The following ESR2 variants were observed in gnomAD, a reference collection of about 807,000 sequenced individuals.
ESR2 encodes estrogen receptor 2, also known as estrogen receptor beta.
A neutral mutation model predicts 49.6 loss-of-function variants in ESR2; 36 were observed. The ratio of observed to expected loss-of-function variants is 0.73; its 90% CI spans 0.56 to 0.96. The LOEUF (loss-of-function observed/expected upper bound fraction) is 0.96, where lower values mean the gene tolerates loss of function less well. ESR2 is among the 40% of genes least tolerant of loss of function. ESR2 has a pLI of 0.00. For missense variants in ESR2, 714 were observed against 693.0 expected, an observed-to-expected ratio of 1.03 and a Z score of -0.34; for synonymous variants, 320 against 266.1, an observed-to-expected ratio of 1.20 and a Z score of -1.97.
downstream of ESR2, chr14:64,227,464 T>C: frequency 5.2e-6 from 8 of 1,532,364 alleles, no homozygotes; most frequent in Non-Finnish European, 7.2e-6. Context: ...ATTACAATGA[T>C]CCCAGAGGGA....
chr14:64,229,326 C>T lies in ESR2; in HGVS notation c.*3811G>A, dbSNP rs1463495808. On this transcript the variant is annotated 3_prime_UTR_variant, in exon 9 of 9. Coordinates refer to ENST00000341099, the MANE Select transcript of ESR2 (RefSeq NM_001437.3). ...TCCTGGGGCAGGAGCAATACTGGCC[C>T]GCTAGGCAAGCAGAAGACTTGCGTG... is the stretch of plus-strand genomic sequence containing the variant. 2.0e-5 allele frequency among the ~76,000 whole-genome samples: 3 copies of T among 151,966 alleles called. No individual in the cohort carries two copies. Among genetic ancestry groups the T allele is most frequent in the South Asian group, 2.1e-4 (1 of 4,808 alleles).
At chr14:64,293,918 G>A (rs940677693) in intron 1 of ESR2, 115 bp downstream of exon 1, 2 of 152,212 alleles carry the variant, frequency 1.3e-5, no homozygotes, top group South Asian at 2.1e-4. Context: ...CAGGACAGTT[G>A]GTTTTGGTGA....
chr14:64,277,991 G>C lies in ESR2; in HGVS notation c.535+1990C>G, dbSNP rs78070685. 3.9e-3 allele frequency among the ~76,000 whole-genome samples: 585 copies of C among 151,896 alleles called. 2 individuals carry two copies. Among genetic ancestry groups the C allele is most frequent in the Non-Finnish European group, 5.7e-3 (384 of 67,944 alleles). On this transcript the variant is annotated intron_variant, in intron 3 of 8. Transcript: ENST00000341099. ...CCCCAAAAGCAAAAAAAAAAAAGAA[G>C]GATCTCTTTTTAAAAGATATGGTTA... is the stretch of plus-strand genomic sequence containing the variant.
intron 6 of ESR2, among the ~76,000 whole-genome samples, chr14:64,254,882 C>T (rs2076067297): frequency 6.7e-6 from 1 of 150,338 alleles, no homozygotes. Context: ...CCCAAGAATT[C>T]CTCTTCTATA....
At chr14:64,308,277 G>A (rs1187619554) in intron 1 of ESR2, among the ~76,000 whole-genome samples, 1 of 152,122 alleles carries the variant, frequency 6.6e-6, no homozygotes, top group Non-Finnish European at 1.5e-5. Flanking sequence ...GCCTCCCAAA[G>A]TGCTAGGATT....
At chr14:64,331,451 C>T (rs540724253) in intron 1 of ESR2, among the ~76,000 whole-genome samples, 25 of 152,242 alleles carry the variant, frequency 1.6e-4, no homozygotes, top group African/African-American at 6.0e-4. Flanking sequence ...GCAAGAAGTC[C>T]TGGGCCTAAA....
chr14:64,316,273 A>G (rs1399417193), intron 1 of ESR2, among the ~76,000 whole-genome samples: 1 of 151,432 alleles, frequency 6.6e-6, no homozygotes, highest in Non-Finnish European at 1.5e-5. Context: ...CAGCCTCCCA[A>G]CGTGCTGGGA....
intron 2 of ESR2, among the ~76,000 whole-genome samples, chr14:64,281,121 AAAG>A (rs2076658933): frequency 6.6e-6 from 1 of 152,184 alleles, no homozygotes. Flanking sequence ...GAGAGAGAAA[AAAG>A]AAGAGAGAAG....
At chr14:64,270,822 T>TAAA (rs1372610175) in intron 3 of ESR2, among the ~76,000 whole-genome samples, 4 of 152,208 alleles carry the variant, frequency 2.6e-5, no homozygotes, top group African/African-American at 9.7e-5. Context: ...AAGAGGTAAT[T>TAAA]AAAAAGCTAA....
At position 64,231,418 on chromosome 14, in the gene ESR2, G is replaced by A. The variant is rs1010335032; in HGVS notation, c.*1719C>T. The A allele has an allele frequency of 4.1e-4, 63 of 152,128 alleles. No homozygotes were observed. The highest frequency in any genetic ancestry group is 1.4e-3 in the African/African-American group (57 of 41,412). The allele number at this position is 152,128 out of a possible 1,614,324, so 9.4% of individuals were successfully genotyped here. On this transcript the variant is annotated 3_prime_UTR_variant, in exon 9 of 9. Coordinates refer to ENST00000341099, the MANE Select transcript of ESR2 (RefSeq NM_001437.3). ...CTATGAAACCAAGCTTATCCTGCCTGTACTAAATCTTACTAAAGCTGTAAC... is the reference window on the plus strand; with the variant it reads ...CTATGAAACCAAGCTTATCCTGCCTATACTAAATCTTACTAAAGCTGTAAC...
intron 1 of ESR2, among the ~76,000 whole-genome samples, chr14:64,289,311 G>A (rs550764286): frequency 6.6e-6 from 1 of 152,178 alleles, no homozygotes; most frequent in African/African-American, 2.4e-5. Context: ...TCGGGAGTTT[G>A]AGACCAGCCT....
intron 1 of ESR2, among the ~76,000 whole-genome samples, chr14:64,334,097 A>G (rs1462847934): frequency 6.6e-6 from 1 of 152,198 alleles, no homozygotes; most frequent in Non-Finnish European, 1.5e-5. Context: ...AGTAAATTGT[A>G]CCAACAATGA....
intron 4 of ESR2, among the ~76,000 whole-genome samples, chr14:64,261,232 C>CTTTCTTTTT (rs1555577156): frequency 5.6e-5 from 5 of 88,682 alleles, no homozygotes; most frequent in Admixed American, 1.4e-4. Context: ...TTTTATTTTT[C>CTTTCTTTTT]TTTTTTCTTT....
chr14:64,287,497 T>G (rs1275422535), intron 1 of ESR2, among the ~76,000 whole-genome samples: 1 of 152,244 alleles, frequency 6.6e-6, no homozygotes, highest in East Asian at 1.9e-4. Context: ...GGCTAGGTGC[T>G]TTTTGTTTGG....
intron 2 of ESR2, among the ~76,000 whole-genome samples, chr14:64,282,038 C>T (rs1476882376): frequency 1.3e-5 from 2 of 152,128 alleles, no homozygotes; most frequent in African/African-American, 4.8e-5. Flanking sequence ...CAAATAACTC[C>T]ATTAAGAGTG....
intron 1 of ESR2, among the ~76,000 whole-genome samples, chr14:64,305,184 T>G (rs370803673): frequency 7.0e-6 from 1 of 143,796 alleles, no homozygotes; most frequent in East Asian, 2.1e-4. Flanking sequence ...CCAGCTACTC[T>G]GGAGGCTGAG....
At chr14:64,295,583 GAAGT>G (rs1335426604), upstream of ESR2, among the ~76,000 whole-genome samples, 1 of 152,204 alleles carries the variant, frequency 6.6e-6, no homozygotes, top group Non-Finnish European at 1.5e-5. Context: ...TTGAGGCAGA[GAAGT>G]TAGTTTGGAC....
intron 1 of ESR2, among the ~76,000 whole-genome samples, chr14:64,326,741 C>G (rs561221482): frequency 2.0e-5 from 3 of 152,334 alleles, no homozygotes; most frequent in Middle Eastern, 3.4e-3. Context: ...AAATATGAAA[C>G]TCCGCTATCT....
In ESR2 at chr14:64,230,225, C is replaced by CCTTTTTTTTTTTT. The variant is rs1567722718; in HGVS notation, c.*2911_*2912insAAAAAAAAAAAAG. Among the ~76,000 whole-genome samples, 2 of 149,442 alleles carry CCTTTTTTTTTTTT rather than the reference C, an allele frequency of 1.3e-5. No homozygotes were observed. Among genetic ancestry groups the CCTTTTTTTTTTTT allele is most frequent in the East Asian group, 3.9e-4 (2 of 5,138 alleles). On this transcript the variant is annotated 3_prime_UTR_variant, in exon 9 of 9. Transcript: ENST00000341099. ...AAAAAAAAAAAAAAAGGTGTCAAAT[C>CCTTTTTTTTTTTT]TTATTAAGTGAGGATACTTTGTTTC...
Sources: gnomAD v4.1 joint callset for allele counts (sites outside exome capture counted in the v4.1 genomes callset) on GRCh38, gnomAD v4.1.1 for gene constraint, MANE v1.5 for transcripts, NCBI Gene and HGNC (gene_info 2026-07-23, HGNC 2026-07-21) for gene names.